CENPP: variants seen among roughly 807,000 people sequenced by gnomAD.
The protein encoded by CENPP is centromere protein P.
CENPP carries 24 observed loss-of-function variants against 35.6 expected under a neutral mutation model. The observed-to-expected ratio is 0.67, with a 90% CI of 0.49 to 0.95. The LOEUF (loss-of-function observed/expected upper bound fraction) is 0.95. Ranked by LOEUF, CENPP falls within the 40% of genes least tolerant of loss-of-function variation. The probability of loss-of-function intolerance (pLI) is 0.00; values close to 1 mark genes in which losing one functional copy is unlikely to be tolerated. For synonymous variants in CENPP, 120 were observed against 125.5 expected, an observed-to-expected ratio of 0.96 and a Z score of 0.29; for missense variants, 332 against 345.3, an observed-to-expected ratio of 0.96 and a Z score of 0.31.
chr9:92,352,158 T>G (rs897595498), intron 4 of CENPP, among the ~76,000 whole-genome samples: 1 of 150,350 alleles, frequency 6.7e-6, no homozygotes, highest in African/African-American at 2.4e-5. Flanking sequence ...TCACCTGAGG[T>G]CAGGAGTTAG....
chr9:92,403,562 C>A, intron 5 of CENPP: 1 of 1,322,182 alleles, frequency 7.6e-7, no homozygotes, highest in Non-Finnish European at 9.6e-7. Context: ...CAGTAAGGGC[C>A]AGAGAACAGT....
intron 5 of CENPP, among the ~76,000 whole-genome samples, chr9:92,572,006 G>A (rs1291410248): frequency 6.7e-6 from 1 of 149,562 alleles, no homozygotes; most frequent in Non-Finnish European, 1.5e-5. Flanking sequence ...TGGGTCTCCT[G>A]AATACAGCAC....
At chr9:92,482,062 A>G (rs565305357) in intron 5 of CENPP, among the ~76,000 whole-genome samples, 114 of 152,240 alleles carry the variant, frequency 7.5e-4, no homozygotes, top group Non-Finnish European at 7.8e-4. Context: ...AGCTGAAAAA[A>G]AAAGTCACAT....
chr9:92,495,629 A>T, intron 5 of CENPP: 1 of 947,054 alleles, frequency 1.1e-6, no homozygotes, highest in Non-Finnish European at 1.3e-6. Context: ...TTTTAGAATT[A>T]TAGAAAAGTT....
chr9:92,560,149 G>C (rs1032224070), intron 5 of CENPP, among the ~76,000 whole-genome samples: 1 of 152,086 alleles, frequency 6.6e-6, no homozygotes, highest in Non-Finnish European at 1.5e-5. Context: ...GTCTCTAAAA[G>C]AAATGAAACA....
At chr9:92,449,439 A>G (rs1383691903) in intron 5 of CENPP, among the ~76,000 whole-genome samples, 1 of 6,668 alleles carries the variant, frequency 1.5e-4, no homozygotes, top group Admixed American at 1.3e-3. Flanking sequence ...TCTATCTCCA[A>G]AAAAAAAAAA....
At chr9:92,331,972 A>T (rs187285638) in intron 1 of CENPP, among the ~76,000 whole-genome samples, 198 bp from the exon 2 acceptor site, 194 of 152,286 alleles carry the variant, frequency 1.3e-3, no homozygotes, top group Non-Finnish European at 1.9e-3. Context: ...AAGAAAAAAA[A>T]AGTGGTGGTG....
At chr9:92,550,351 G>T (rs940478075) in intron 5 of CENPP, among the ~76,000 whole-genome samples, 17 of 151,474 alleles carry the variant, frequency 1.1e-4, no homozygotes, top group African/African-American at 4.1e-4. Context: ...AGCCGAGATC[G>T]TGCCATTGCA....
chr9:92,551,904 T>A (rs1849594897), intron 5 of CENPP, among the ~76,000 whole-genome samples: 1 of 134,700 alleles, frequency 7.4e-6, no homozygotes, highest in African/African-American at 2.7e-5. Flanking sequence ...TAACAGCATT[T>A]GTTATATATA....
In CENPP at chr9:92,605,371, T is replaced by TA. The variant is rs57516212; in HGVS notation, c.565-5942dup. On this transcript the variant is annotated intron_variant, in intron 5 of 7. Coordinates refer to ENST00000375587, the MANE Select transcript of CENPP (RefSeq NM_001012267.3). ...GCATTGAAATTCATTTTTTTTTTTT[T>TA]ACATGTGGATATCCAATTGGCCCAG... 3.9e-5 allele frequency among the ~76,000 whole-genome samples: 6 copies of TA among 152,058 alleles called. No individual in the cohort carries two copies. The East Asian group carries it at 7.7e-4, about 20-fold the overall frequency.
intron 5 of CENPP, among the ~76,000 whole-genome samples, chr9:92,446,135 G>T (rs1037452116): frequency 3.9e-5 from 6 of 152,150 alleles, no homozygotes; most frequent in African/African-American, 1.2e-4. Flanking sequence ...TTATACAAAT[G>T]ATTGTGCCTT....
intron 4 of CENPP, among the ~76,000 whole-genome samples, chr9:92,357,243 T>A (rs1841614405): frequency 1.3e-5 from 2 of 151,774 alleles, no homozygotes; most frequent in South Asian, 4.1e-4. Flanking sequence ...TTTCCATATG[T>A]TCTAAGAGTC....
At position 92,451,836 on chromosome 9, in the gene CENPP, A is replaced by C. The variant is rs1164389866; in HGVS notation, c.564+71977A>C. On this transcript the variant is annotated intron_variant, in intron 5 of 7. Coordinates refer to ENST00000375587, the MANE Select transcript of CENPP (RefSeq NM_001012267.3). ...CACATCCCTTGTAAGTTGGATTCCT[A>C]GGTATTTTAATCTCTTTGAAGCAAT... 1.3e-5 allele frequency among the ~76,000 whole-genome samples: 2 copies of C among 151,738 alleles called. 1 individual carries two copies.
intron 5 of CENPP, among the ~76,000 whole-genome samples, chr9:92,429,815 A>G (rs1844060182): frequency 6.6e-6 from 1 of 151,914 alleles, no homozygotes; most frequent in East Asian, 1.9e-4. Context: ...CATCATCATC[A>G]TCATCATCTT....
At chr9:92,540,836 T>C (rs1849301625) in intron 5 of CENPP, among the ~76,000 whole-genome samples, 1 of 151,694 alleles carries the variant, frequency 6.6e-6, no homozygotes, top group Non-Finnish European at 1.5e-5. Flanking sequence ...GATCAGGAGA[T>C]AACTGTGAGC....
At chr9:92,525,893 C>CAAAAAAAAAAAAAAAAAAAAAAAAA in intron 5 of CENPP, among the ~76,000 whole-genome samples, 1 of 43,908 alleles carries the variant, frequency 2.3e-5, no homozygotes, top group Non-Finnish European at 4.8e-5. Context: ...ACTCTATCTC[C>CAAAAAAAAAAAAAAAAAAAAAAAAA]AAAAAAAAAA....
intron 5 of CENPP, chr9:92,600,582 G>C: frequency 6.2e-7 from 1 of 1,604,460 alleles, no homozygotes; most frequent in Non-Finnish European, 8.5e-7. Flanking sequence ...CCCTTGCGAG[G>C]GTTCTGGGGC....
intron 5 of CENPP, among the ~76,000 whole-genome samples, chr9:92,549,563 C>T (rs1849541816): frequency 6.6e-6 from 1 of 151,110 alleles, no homozygotes; most frequent in Non-Finnish European, 1.5e-5. Context: ...AGGACAATCA[C>T]TTGAACCTGG....
chr9:92,337,808 G>C (rs970760682), intron 3 of CENPP, among the ~76,000 whole-genome samples, 179 bp downstream of exon 3: 9 of 152,178 alleles, frequency 5.9e-5, no homozygotes, highest in African/African-American at 1.2e-4. Context: ...TAATAGCCCA[G>C]CAACTGCATA....
Sources: gnomAD v4.1 joint callset for allele counts (sites outside exome capture counted in the v4.1 genomes callset) on GRCh38, gnomAD v4.1.1 for gene constraint, MANE v1.5 for transcripts, NCBI Gene and HGNC (gene_info 2026-07-23, HGNC 2026-07-21) for gene names.